The following TOPAZ1 variants were observed in gnomAD, a reference collection of about 807,000 sequenced individuals.
TOPAZ1 encodes the protein testis and ovary specific TOPAZ 1.
A neutral mutation model predicts 172.2 loss-of-function variants in TOPAZ1; 66 were observed. The observed-to-expected ratio is 0.38, with a 90% CI of 0.31 to 0.47. TOPAZ1 has a LOEUF of 0.47. TOPAZ1 is among the 20% of genes least tolerant of loss of function. The pLI, the probability that TOPAZ1 is intolerant of heterozygous loss-of-function variation, is 0.99. For missense variants in TOPAZ1, 1,822 were observed against 1,972.4 expected, an observed-to-expected ratio of 0.92 and a Z score of 1.44; for synonymous variants, 681 against 683.9, an observed-to-expected ratio of 1.00 and a Z score of 0.07.
chr3:44,327,972 G>A (rs1700620954), intron 18 of TOPAZ1, among the ~76,000 whole-genome samples: 1 of 151,972 alleles, frequency 6.6e-6, no homozygotes, highest in Non-Finnish European at 1.5e-5. Flanking sequence ...TCAAACTACT[G>A]ACCTCAAGAG....
At chr3:44,296,847 C>CAAAAAAAAAAAAAAAGAAAAAACAAAA in intron 12 of TOPAZ1, among the ~76,000 whole-genome samples, 1 of 104,776 alleles carries the variant, frequency 9.5e-6, no homozygotes, top group Non-Finnish European at 1.8e-5. Context: ...CAGAGAATAC[C>CAAAAAAAAAAAAAAAGAAAAAACAAAA]AAAAAAAAAA....
In TOPAZ1 at chr3:44,242,270, G is replaced by T. The variant is rs1329485785; in HGVS notation, c.217G>T (p.Gly73Trp). ...AAGTGATAAGTCGGTTGCAGCATCA[G>T]GGGCTGGAAAGGCCGCAAGGCGTCA... ...VESDKSVAAS[G>W]AGKAARRQVE... Residue 73 changes from glycine (G) to tryptophan (W), a missense_variant, in exon 1 of 20, where the codon GGG becomes TGG. Gly to Trp is a radical substitution (Grantham distance 184, BLOSUM62 -2). Coordinates refer to ENST00000309765, the MANE Select transcript of TOPAZ1 (RefSeq NM_001145030.2). 4 of 1,550,142 alleles carry T rather than the reference G, an allele frequency of 2.6e-6. No individual in the cohort carries two copies. The highest frequency in any genetic ancestry group is 3.5e-6 in the Non-Finnish European group (4 of 1,146,666).
intron 4 of TOPAZ1, among the ~76,000 whole-genome samples, chr3:44,259,458 G>A (rs924904949): frequency 2.6e-5 from 4 of 152,120 alleles, no homozygotes; most frequent in Non-Finnish European, 5.9e-5. Context: ...TCCTTTCAAT[G>A]TATGTAATGA....
intron 19 of TOPAZ1, among the ~76,000 whole-genome samples, chr3:44,328,760 T>G (rs771795526): frequency 6.6e-6 from 1 of 152,188 alleles, no homozygotes; most frequent in Non-Finnish European, 1.5e-5. Flanking sequence ...TATAAAAATC[T>G]TTATCTCTAG....
At chr3:44,333,487 C>T (rs1298589563), downstream of TOPAZ1, among the ~76,000 whole-genome samples, 4 of 151,984 alleles carry the variant, frequency 2.6e-5, no homozygotes, top group African/African-American at 9.7e-5. Flanking sequence ...CAAATGATAA[C>T]TGAAACCCTA....
At chr3:44,289,166 T>G (rs1700108972) in intron 11 of TOPAZ1, among the ~76,000 whole-genome samples, 1 of 152,220 alleles carries the variant, frequency 6.6e-6, no homozygotes, top group African/African-American at 2.4e-5. Context: ...ACTGATTTGT[T>G]CTCTTGCAGG....
intron 8 of TOPAZ1, among the ~76,000 whole-genome samples, chr3:44,274,698 G>A: frequency 6.6e-6 from 1 of 151,730 alleles, no homozygotes; most frequent in Non-Finnish European, 1.5e-5. Context: ...GGGATTACAG[G>A]CGTGCGCCAA....
chr3:44,335,276 C>A (rs539669156), downstream of TOPAZ1, among the ~76,000 whole-genome samples: 4 of 152,024 alleles, frequency 2.6e-5, no homozygotes, highest in African/African-American at 2.4e-5. Flanking sequence ...TAAGGGCCAC[C>A]GCTGCTAAGG....
intron 7 of TOPAZ1, 127 bp downstream of exon 7, chr3:44,269,428 A>G (rs992093566): frequency 2.2e-6 from 1 of 459,164 alleles, no homozygotes; most frequent in Non-Finnish European, 4.0e-6. Context: ...AAATAATTTT[A>G]TAAACCAATA....
At chr3:44,260,482 C>T (rs943439488) in intron 4 of TOPAZ1, among the ~76,000 whole-genome samples, 8 of 152,046 alleles carry the variant, frequency 5.3e-5, no homozygotes, top group African/African-American at 1.9e-4. Flanking sequence ...TTCCCCATCT[C>T]AACATTTAAA....
At chr3:44,254,135 T>C (rs1575706491) in intron 2 of TOPAZ1, among the ~76,000 whole-genome samples, 1 of 152,306 alleles carries the variant, frequency 6.6e-6, no homozygotes, top group Non-Finnish European at 1.5e-5. Flanking sequence ...ATGGTTAAAC[T>C]TAAAGAAGTT....
chr3:44,242,732 ATTT>A, intron 1 of TOPAZ1, 118 bp from the exon 2 acceptor site: 1 of 794,328 alleles, frequency 1.3e-6, no homozygotes, highest in Non-Finnish European at 1.9e-6. Flanking sequence ...ACAAATGTGT[ATTT>A]ACATACAGCT....
chr3:44,246,622 A>C (rs1004915560), intron 2 of TOPAZ1, among the ~76,000 whole-genome samples: 1 of 152,136 alleles, frequency 6.6e-6, no homozygotes, highest in South Asian at 2.1e-4. Context: ...ATGAAGACAA[A>C]TTTGTCACTT....
chr3:44,307,720 AAGT>A (rs1335365410), intron 15 of TOPAZ1, among the ~76,000 whole-genome samples: 2 of 152,194 alleles, frequency 1.3e-5, no homozygotes, highest in Non-Finnish European at 2.9e-5. Flanking sequence ...AATAACATTT[AAGT>A]ACATGGTCAC....
At chr3:44,303,894 C>A (rs926925225) in intron 12 of TOPAZ1, 121 bp from the exon 13 acceptor site, 1 of 492,354 alleles carries the variant, frequency 2.0e-6, no homozygotes, top group Non-Finnish European at 3.5e-6. Flanking sequence ...ATGTTTATAG[C>A]ATATTATATA....
At chr3:44,261,416 C>T (rs1042985476) in intron 4 of TOPAZ1, among the ~76,000 whole-genome samples, 5 of 152,148 alleles carry the variant, frequency 3.3e-5, no homozygotes, top group African/African-American at 1.2e-4. Flanking sequence ...AATAGAGGTC[C>T]TTTCCCCATT....
At position 44,256,201 on chromosome 3, in the gene TOPAZ1, G is replaced by T; in HGVS notation, c.2878G>T (p.Val960Phe). The T allele has an allele frequency of 6.5e-7, 1 of 1,531,742 alleles. No homozygotes were observed. The highest frequency in any genetic ancestry group is 8.8e-7 in the Non-Finnish European group (1 of 1,141,194). The allele number at this position is 1,531,742 out of a possible 1,614,324, so 94.9% of individuals were successfully genotyped here. ...AGATGTAAACACTTCCTTAGGAGAA[G>T]TTGCTAATGAGACCTCTGAAAATGA... The part of the protein sequence containing the change: ...PKDVNTSLGE[V>F]ANETSENETL... The change falls in exon 4 of 20, where the codon GTT (valine) becomes TTT (phenylalanine). Residue 960 changes from valine (V) to phenylalanine (F), a missense_variant. Transcript: ENST00000309765.
At chr3:44,252,838 G>A (rs1349269487) in intron 2 of TOPAZ1, among the ~76,000 whole-genome samples, 1 of 152,098 alleles carries the variant, frequency 6.6e-6, no homozygotes, top group African/African-American at 2.4e-5. Flanking sequence ...CTTGGAATAT[G>A]TTAGGTGCTG....
chr3:44,308,180 C>A (rs558415976), intron 15 of TOPAZ1, among the ~76,000 whole-genome samples: 1 of 152,146 alleles, frequency 6.6e-6, no homozygotes, highest in East Asian at 1.9e-4. Context: ...ATTGCTTGAA[C>A]CCGGGAGGCG....
Sources: allele counts gnomAD v4.1 joint callset (sites outside exome capture counted in the v4.1 genomes callset), GRCh38; gene constraint gnomAD v4.1.1; transcripts MANE v1.5; gene names NCBI Gene and HGNC (gene_info 2026-07-23, HGNC 2026-07-21).